TRIP12: variants seen among roughly 807,000 people sequenced by gnomAD.
The protein encoded by TRIP12 is E3 ubiquitin-protein ligase TRIP12.
A neutral mutation model predicts 244.2 loss-of-function variants in TRIP12; 25 were observed. The ratio of observed to expected loss-of-function variants is 0.10; its 90% CI spans 0.07 to 0.14. The LOEUF (loss-of-function observed/expected upper bound fraction) is 0.14. TRIP12 is among the 10% of genes least tolerant of loss of function. TRIP12 has a pLI of 1.00. For missense variants in TRIP12, 1,677 were observed against 2,486.4 expected (o/e 0.67, Z 6.92); for synonymous variants, 905 against 873.1 (o/e 1.04, Z -0.64).
chr2:229,910,024 G>C (rs1364116530), intron 1 of TRIP12, among the ~76,000 whole-genome samples: 1 of 152,190 alleles, frequency 6.6e-6, no homozygotes, highest in African/African-American at 2.4e-5. Flanking sequence ...TGCAGCAGTT[G>C]CTGAAACCAA....
upstream of TRIP12, chr2:229,922,300 C>T (rs901499807): frequency 6.9e-6 from 4 of 576,652 alleles, no homozygotes; most frequent in Non-Finnish European, 1.2e-5. Context: ...GTAGCAGGAA[C>T]TAATTCCCCC....
intron 27 of TRIP12, 131 bp downstream of exon 27, chr2:229,792,842 G>A: frequency 2.1e-6 from 2 of 944,660 alleles, no homozygotes; most frequent in East Asian, 2.7e-5. Context: ...ATAAAAGACA[G>A]GAATATAAGT....
At chr2:229,900,272 G>C (rs1189136364) in intron 1 of TRIP12, among the ~76,000 whole-genome samples, 1 of 152,164 alleles carries the variant, frequency 6.6e-6, no homozygotes, top group African/African-American at 2.4e-5. Flanking sequence ...CTTGAATTTG[G>C]TTCTGAAATG....
At chr2:229,893,268 T>A (rs2154363377) in intron 1 of TRIP12, among the ~76,000 whole-genome samples, 1 of 152,362 alleles carries the variant, frequency 6.6e-6, no homozygotes, top group Admixed American at 6.5e-5. Context: ...ATACTTTATG[T>A]ATCATAAAAC....
intron 8 of TRIP12, among the ~76,000 whole-genome samples, chr2:229,822,003 G>A (rs368336443): frequency 1.3e-5 from 2 of 152,274 alleles, no homozygotes; most frequent in South Asian, 4.1e-4. Flanking sequence ...AGCCGGGCGC[G>A]GTGGTGTGCA....
intron 13 of TRIP12, among the ~76,000 whole-genome samples, chr2:229,812,702 A>G (rs1379259253): frequency 2.0e-5 from 3 of 152,136 alleles, no homozygotes; most frequent in Non-Finnish European, 4.4e-5. Context: ...GCTATTCAGG[A>G]GGCTGAGGCA....
intron 4 of TRIP12, among the ~76,000 whole-genome samples, chr2:229,844,686 C>G (rs1050784805): frequency 3.3e-5 from 5 of 152,136 alleles, no homozygotes; most frequent in Non-Finnish European, 1.5e-5. Context: ...TGATAAGACT[C>G]TATAAAAATC....
At position 229,788,865 on chromosome 2, in the gene TRIP12, G is replaced by A; in HGVS notation, c.4771C>T (p.Leu1591Phe). ...GTCATGATTACTAAAGGATCTTGAA[G>A]TTGCCTATTTGCTTTTGCTGTTAAC... ...SKLTAKANRQ[L>F]QDPLVIMTGN... is the part of the protein sequence containing the mutation. Residue 1591 changes from leucine to phenylalanine, a missense_variant, in exon 32 of 42, where the codon CTT becomes TTT. By Grantham distance (22) the Leu-to-Phe change is conservative. This residue lies in a region of TRIP12 where 265 missense variants were observed against 370.8 expected (regional missense o/e 0.71). Transcript: ENST00000675903. 6.2e-7 allele frequency: 1 copy of A among 1,613,714 alleles called. No individual in the cohort carries two copies. The highest frequency in any genetic ancestry group is 8.5e-7 in the Non-Finnish European group (1 of 1,179,928).
intron 6 of TRIP12, among the ~76,000 whole-genome samples, chr2:229,836,420 A>G (rs574205956): frequency 1.3e-5 from 2 of 152,344 alleles, no homozygotes; most frequent in East Asian, 3.9e-4. Context: ...AAAAATGAGA[A>G]GCCCATAACA....
At chr2:229,922,515 T>A, upstream of TRIP12, 4 of 1,613,950 alleles carry the variant, frequency 2.5e-6, no homozygotes, top group Non-Finnish European at 3.4e-6. Context: ...CGTCCCAAGA[T>A]GGCGTCGTGG....
intron 33 of TRIP12, among the ~76,000 whole-genome samples, 183 bp downstream of exon 33, chr2:229,787,322 A>T (rs1306213507): frequency 6.6e-6 from 1 of 152,078 alleles, no homozygotes; most frequent in East Asian, 1.9e-4. Context: ...GAGGAGAGAA[A>T]CTCTTAATGA....
At chr2:229,885,151 G>A (rs1234147111) in intron 1 of TRIP12, among the ~76,000 whole-genome samples, 1 of 152,088 alleles carries the variant, frequency 6.6e-6, no homozygotes, top group Non-Finnish European at 1.5e-5. Context: ...ACCACCTACA[G>A]TATTTGGTAG....
chr2:229,786,541 G>A lies in TRIP12; in HGVS notation c.4996-686C>T, dbSNP rs184699361. On this transcript the variant is annotated intron_variant, in intron 33 of 41. Transcript: ENST00000675903. Reference sequence around the variant, plus strand: ...GCCTCCCAAGTAGCTGGGATTACAGGCATGCGCCACCACGCCCAGATAATT... The same window carrying A: ...GCCTCCCAAGTAGCTGGGATTACAGACATGCGCCACCACGCCCAGATAATT... Among the ~76,000 whole-genome samples, 877 of 149,262 alleles carry A rather than the reference G, an allele frequency of 5.9e-3. 7 individuals are homozygous for A. Among genetic ancestry groups the A allele is most frequent in the African/African-American group, 0.02 (820 of 40,642 alleles).
upstream of TRIP12, among the ~76,000 whole-genome samples, chr2:229,922,923 C>T (rs988254799): frequency 6.6e-6 from 1 of 152,180 alleles, no homozygotes; most frequent in South Asian, 2.1e-4. Flanking sequence ...CGGGCGTCTC[C>T]GGCTTGCGTG....
chr2:229,886,716 C>CT (rs2154358755), intron 1 of TRIP12, among the ~76,000 whole-genome samples: 1 of 152,298 alleles, frequency 6.6e-6, no homozygotes. Flanking sequence ...ATCCACCCTC[C>CT]TTGGCCTCCC....
intron 34 of TRIP12, 98 bp downstream of exon 34, chr2:229,785,658 CA>C: frequency 9.0e-7 from 1 of 1,116,580 alleles, no homozygotes; most frequent in East Asian, 2.5e-5. Flanking sequence ...CAAAGTCTCC[CA>C]ACTGTCTTTC....
chr2:229,864,047 A>AGAGAGAGAGAGAGAGTGAGTGTGT, intron 2 of TRIP12, among the ~76,000 whole-genome samples: 22 of 79,294 alleles, frequency 2.8e-4, no homozygotes, highest in Middle Eastern at 9.1e-3. Flanking sequence ...AGAGAGAGAG[A>AGAGAGAGAGAGAGAGTGAGTGTGT]GTGTGTGTGT....
chr2:229,912,175 T>C (rs2074410439), intron 1 of TRIP12, among the ~76,000 whole-genome samples: 1 of 152,216 alleles, frequency 6.6e-6, no homozygotes, highest in Admixed American at 6.5e-5. Context: ...TTCTGCTTAT[T>C]TAACATTTTA....
chr2:229,895,174 C>T (rs2068462337), intron 1 of TRIP12, among the ~76,000 whole-genome samples: 1 of 152,046 alleles, frequency 6.6e-6, no homozygotes, highest in African/African-American at 2.4e-5. Flanking sequence ...TTAAATGTTA[C>T]ATAGATTTGG....
Sources: gnomAD v4.1 joint callset for allele counts (sites outside exome capture counted in the v4.1 genomes callset) on GRCh38, gnomAD v4.1.1 for gene constraint, gnomAD v4.1.1 regional missense constraint, MANE v1.5 for transcripts, NCBI Gene and HGNC (gene_info 2026-07-23, HGNC 2026-07-21) for gene names.